IZUMO1R: variants seen among roughly 807,000 people sequenced by gnomAD.
IZUMO1R encodes sperm-egg fusion protein Juno.
A neutral mutation model predicts 22.1 loss-of-function variants in IZUMO1R; 24 were observed. That is an observed-to-expected ratio of 1.09 (90% CI 0.79 to 1.53). The LOEUF is 1.53. IZUMO1R is among the 40% of genes most tolerant of loss of function. The pLI, the probability that IZUMO1R is intolerant of heterozygous loss-of-function variation, is 0.00. For missense variants in IZUMO1R, 308 were observed against 314.9 expected, an observed-to-expected ratio of 0.98 and a Z score of 0.17; for synonymous variants, 133 against 121.2, an observed-to-expected ratio of 1.10 and a Z score of -0.64.
rs150366489 is a variant in IZUMO1R, at chr11:94,305,016, C to T, written c.-7+137C>T. 3.3e-3 allele frequency among the ~76,000 whole-genome samples: 498 copies of T among 152,268 alleles called. 3 individuals carry two copies. Among genetic ancestry groups the T allele is most frequent in the African/African-American group, 0.011 (473 of 41,544 alleles). On this transcript the variant is annotated intron_variant, in intron 1 of 4. Coordinates refer to ENST00000687084, the MANE Select transcript of IZUMO1R (RefSeq NM_001199206.4). ...GAGAGAGAACAGCCTTAGATTTGGA[C>T]TTGAGGTTGGGCTCTGAAGAGGGGG...
At chr11:94,305,805 G>A in intron 2 of IZUMO1R, 31 bp downstream of exon 2, 2 of 1,607,438 alleles carry the variant, frequency 1.2e-6, no homozygotes, top group South Asian at 1.1e-5. Flanking sequence ...TATGGGATGG[G>A]GAAGATCAGG....
At chr11:94,305,934 A>G (rs527902355) in intron 2 of IZUMO1R, among the ~76,000 whole-genome samples, 160 bp downstream of exon 2, 32 of 150,162 alleles carry the variant, frequency 2.1e-4, no homozygotes, top group African/African-American at 6.4e-4. Flanking sequence ...TTTTGAGACC[A>G]TAAGAGCCAA....
Position 94,307,414 on chromosome 11 carries a change from T to TC in IZUMO1R, c.485-6dup, listed in dbSNP as rs1565420273. 1 of 1,613,628 alleles carries TC rather than the reference T, an allele frequency of 6.2e-7. No homozygotes were observed. The highest frequency in any genetic ancestry group is 1.3e-5 in the African/African-American group (1 of 75,018). On this transcript the variant is annotated splice_polypyrimidine_tract_variant and intron_variant, in intron 4 of 4. Coordinates refer to ENST00000687084, the MANE Select transcript of IZUMO1R (RefSeq NM_001199206.4). ...TAGGAGGTAAGCTGTCCCTCCTCCA[T>TC]CCCCTGCAGGGAAGAACCGCTGCCC...
rs1193321238 is a variant in IZUMO1R, at chr11:94,307,546, A to C, written c.607A>C (p.Ser203Arg). ...CAAAGCCAGCCCTGAGCGACGGAAC[A>C]GTGGGCGGTGTCTCCAGAAGTGGTT... ...SFKASPERRN[S>R]GRCLQKWFEP... is the part of the protein sequence containing the mutation. The change falls in exon 5 of 5, where the codon AGT becomes CGT. Residue 203 changes from serine (S) to arginine (R), a missense_variant. Ser to Arg is a moderately radical substitution (Grantham distance 110, BLOSUM62 -1). Transcript: ENST00000687084. The C allele has an allele frequency of 6.2e-7, 1 of 1,613,782 alleles. No individual in the cohort carries two copies. Among genetic ancestry groups the C allele is most frequent in the Admixed American group, 1.7e-5 (1 of 60,026 alleles).
rs752164130 is a variant in IZUMO1R, at chr11:94,305,614, C to T, written c.-6-17C>T. 2 of 1,611,594 alleles carry T rather than the reference C, an allele frequency of 1.2e-6. No homozygotes were observed. Among genetic ancestry groups the T allele is most frequent in the Non-Finnish European group, 1.7e-6 (2 of 1,179,454 alleles). On this transcript the variant is annotated splice_polypyrimidine_tract_variant and intron_variant, in intron 1 of 4. Transcript: ENST00000687084. Reference sequence around the variant, plus strand: ...GGTGTCATTTCCATCAAGTGTGCAGCATGGGTCTCTCTGTAGCAGGCCATG... The same window carrying T: ...GGTGTCATTTCCATCAAGTGTGCAGTATGGGTCTCTCTGTAGCAGGCCATG...
rs565831644 is a variant in IZUMO1R at position 94,306,763 on chromosome 11, C to G, written c.348+41C>G. On this transcript the variant is annotated intron_variant, in intron 3 of 4. Transcript: ENST00000687084. ...GTGCCATGCCCTGTTATTATATTAACAGCCAGAGCTTTCACCCGATCTTAT... is the reference window on the plus strand; with the variant it reads ...GTGCCATGCCCTGTTATTATATTAAGAGCCAGAGCTTTCACCCGATCTTAT... 2.4e-5 allele frequency: 38 copies of G among 1,584,134 alleles called. No individual in the cohort carries two copies. In the African/African-American group the frequency reaches 4.3e-4, roughly 18 times the overall value.
Position 94,305,725 on chromosome 11 carries a change from C to A in IZUMO1R, c.89C>A (p.Ala30Asp), listed in dbSNP as rs1944010977. The change falls in exon 2 of 5, where the codon GCC (alanine) becomes GAC (aspartate). Residue 30 changes from alanine (A) to aspartate (D), a missense_variant. Ala to Asp is a moderately radical substitution (Grantham distance 126, BLOSUM62 -2). Coordinates refer to ENST00000687084, the MANE Select transcript of IZUMO1R (RefSeq NM_001199206.4). Reference protein sequence around the residue: ...GDELLNICMNAKHHKRVPSPE... With the variant: ...GDELLNICMNDKHHKRVPSPE... ...GAGCTGCTCAACATCTGCATGAATG[C>A]CAAACACCACAAGAGAGTGCCCAGC... 1 of 1,613,316 alleles carries A rather than the reference C, an allele frequency of 6.2e-7. No homozygotes were observed. Among genetic ancestry groups the A allele is most frequent in the African/African-American group, 1.3e-5 (1 of 74,766 alleles).
intron 2 of IZUMO1R, 23 bp downstream of exon 2, chr11:94,305,797 T>TGGGATG (rs1944012363): frequency 6.2e-7 from 1 of 1,611,312 alleles, no homozygotes; most frequent in African/African-American, 1.3e-5. Flanking sequence ...GACCTGGGTA[T>TGGGATG]GGGATGGGGA....
At chr11:94,306,836 A>G (rs890175213) in intron 3 of IZUMO1R, 114 bp downstream of exon 3, 1 of 1,105,324 alleles carries the variant, frequency 9.0e-7, no homozygotes, top group African/African-American at 1.6e-5. Flanking sequence ...TTATTTCCCT[A>G]TGGACAAGAG....
chr11:94,305,687 C>G lies in IZUMO1R; in HGVS notation c.51C>G (p.Thr17=). ...TAGAGCTGTGGACAGTCATGCCCAC[C>G]TGGGCTGGGGACGAGCTGCTCAACA... ...LLLELWTVMP[T]WAGDELLNIC... The change falls in exon 2 of 5, where the codon ACC becomes ACG. Residue 17 remains threonine, a synonymous_variant. Transcript: ENST00000687084. The G allele has an allele frequency of 6.2e-7, 1 of 1,613,314 alleles. No individual in the cohort carries two copies. Among genetic ancestry groups the G allele is most frequent in the Non-Finnish European group, 8.5e-7 (1 of 1,179,752 alleles).
intron 4 of IZUMO1R, 40 bp from the exon 5 acceptor site, chr11:94,307,384 G>C (rs1458880968): frequency 6.2e-7 from 1 of 1,612,306 alleles, no homozygotes; most frequent in South Asian, 1.1e-5. Flanking sequence ...CTAGCAATGA[G>C]GGAGTAGGAG....
At chr11:94,307,400 C>G (rs555579957) in intron 4 of IZUMO1R, 24 bp from the exon 5 acceptor site, 1 of 1,613,056 alleles carries the variant, frequency 6.2e-7, no homozygotes, top group Non-Finnish European at 8.5e-7. Flanking sequence ...AGGAGGTAAG[C>G]TGTCCCTCCT....
At chr11:94,305,000 C>G (rs550408222) in intron 1 of IZUMO1R, among the ~76,000 whole-genome samples, 121 bp downstream of exon 1, 5 of 152,254 alleles carry the variant, frequency 3.3e-5, no homozygotes, top group African/African-American at 1.2e-4. Context: ...GGAGAGAGAA[C>G]AGCCTTAGAT....
intron 2 of IZUMO1R, 131 bp downstream of exon 2, chr11:94,305,905 A>G: frequency 1.0e-6 from 1 of 989,164 alleles, no homozygotes; most frequent in Non-Finnish European, 1.5e-6. Context: ...AGGCAACTAG[A>G]TGGAAAGAGA....
In IZUMO1R at chr11:94,305,646, T is replaced by C. The variant is rs537836860; in HGVS notation, c.10T>C (p.Trp4Arg). The part of the protein sequence containing the change: MAC[W>R]WPLLLELWTV... ...CTCTCTGTAGCAGGCCATGGCATGCTGGTGGCCGCTCCTGCTAGAGCTGTG... is the reference window on the plus strand; with the variant it reads ...CTCTCTGTAGCAGGCCATGGCATGCCGGTGGCCGCTCCTGCTAGAGCTGTG... Residue 4 changes from tryptophan (W) to arginine (R), a missense_variant, in exon 2 of 5, where the codon TGG (tryptophan) becomes CGG (arginine). Coordinates refer to ENST00000687084, the MANE Select transcript of IZUMO1R (RefSeq NM_001199206.4). 6.2e-7 allele frequency: 1 copy of C among 1,613,030 alleles called. No homozygotes were observed. The highest frequency in any genetic ancestry group is 2.2e-5 in the East Asian group (1 of 44,842).
In IZUMO1R at chr11:94,307,755, G is replaced by A; in HGVS notation, c.*63G>A. On this transcript the variant is annotated 3_prime_UTR_variant, in exon 5 of 5. Transcript: ENST00000687084. ...CCAACTGTGGGTCAGGCCAGGCCATGGCCTACCTCCTTCCTCAGGCCCTCC... is the reference window on the plus strand; with the variant it reads ...CCAACTGTGGGTCAGGCCAGGCCATAGCCTACCTCCTTCCTCAGGCCCTCC... 1.3e-6 allele frequency: 2 copies of A among 1,554,678 alleles called. No individual in the cohort carries two copies. Among genetic ancestry groups the A allele is most frequent in the Non-Finnish European group, 1.8e-6 (2 of 1,140,622 alleles).
rs1189545509 is a variant in IZUMO1R at position 94,307,255 on chromosome 11, T to TA, written c.440dup (p.Tyr147Ter). The change falls in exon 4 of 5, where the codon TAC becomes TAAC. Residue 147 changes from tyrosine (Y) to a stop codon, truncating the protein, a stop_gained and frameshift_variant. Coordinates refer to ENST00000687084, the MANE Select transcript of IZUMO1R (RefSeq NM_001199206.4). LOFTEE classifies it low-confidence loss of function (END_TRUNC). ...GTGGTGGGAAGACTGTCGCATGTCT[T>TA]ACACATGCAAATCCAACTGGCGTGG... Reference protein sequence around the residue: ...EEWWEDCRMSYTCKSNWRGGW... With the variant: ...EEWWEDCRMS 1 of 1,611,562 alleles carries TA rather than the reference T, an allele frequency of 6.2e-7. No homozygotes were observed. Among genetic ancestry groups the TA allele is most frequent in the Non-Finnish European group, 8.5e-7 (1 of 1,178,932 alleles).
In IZUMO1R at chr11:94,308,011, G is replaced by A. The variant is rs578207704; in HGVS notation, c.*319G>A. Among the ~76,000 whole-genome samples, 1 of 152,132 alleles carries A rather than the reference G, an allele frequency of 6.6e-6. No homozygotes were observed. The highest frequency in any genetic ancestry group is 2.1e-4 in the South Asian group (1 of 4,826). On this transcript the variant is annotated 3_prime_UTR_variant, in exon 5 of 5. Transcript: ENST00000687084. ...GGTGACTGGCCACCTCCTGCCTTGA[G>A]GGATGGGAGCTTTCAAGGGGCTCAA...
At chr11:94,306,030 G>A (rs754424358) in intron 2 of IZUMO1R, among the ~76,000 whole-genome samples, 6 of 151,632 alleles carry the variant, frequency 4.0e-5, no homozygotes, top group Non-Finnish European at 7.4e-5. Flanking sequence ...TTGTTGACTC[G>A]GCACAGATGA....
Sources: allele counts gnomAD v4.1 joint callset (sites outside exome capture counted in the v4.1 genomes callset), GRCh38; gene constraint gnomAD v4.1.1; transcripts MANE v1.5; gene names NCBI Gene and HGNC (gene_info 2026-07-23, HGNC 2026-07-21).